The following DPP10 variants were observed in gnomAD, a reference collection of about 807,000 sequenced individuals.
The protein encoded by DPP10 is dipeptidyl peptidase like 10, also known as inactive dipeptidyl peptidase 10.
A neutral mutation model predicts 120.9 loss-of-function variants in DPP10; 33 were observed. The ratio of observed to expected loss-of-function variants is 0.27; its 90% CI spans 0.21 to 0.37. The LOEUF (loss-of-function observed/expected upper bound fraction) is 0.37. Ranked by LOEUF, DPP10 falls within the 10% of genes least tolerant of loss-of-function variation. The pLI, the probability that DPP10 is intolerant of heterozygous loss-of-function variation, is 1.00. For missense variants in DPP10, 816 were observed against 942.8 expected, an observed-to-expected ratio of 0.87 and a Z score of 1.76; for synonymous variants, 337 against 326.1, an observed-to-expected ratio of 1.03 and a Z score of -0.36.
intron 1 of DPP10, among the ~76,000 whole-genome samples, chr2:114,693,098 G>T (rs528857434): frequency 6.6e-6 from 1 of 151,984 alleles, no homozygotes; most frequent in Non-Finnish European, 1.5e-5. Context: ...GTATTGTTAT[G>T]GGTGAATTTG....
chr2:115,328,951 T>A (rs925226935), intron 2 of DPP10, among the ~76,000 whole-genome samples: 1 of 152,126 alleles, frequency 6.6e-6, no homozygotes, highest in African/African-American at 2.4e-5. Context: ...TGAAGCATCA[T>A]TGCCCATCCC....
intron 5 of DPP10, among the ~76,000 whole-genome samples, chr2:115,634,518 G>T (rs1373339385): frequency 6.6e-6 from 1 of 152,070 alleles, no homozygotes; most frequent in Non-Finnish European, 1.5e-5. Flanking sequence ...CTATTTACCT[G>T]GTTCCTTTCC....
intron 1 of DPP10, chr2:114,461,430 T>C: frequency 3.8e-6 from 1 of 261,086 alleles, no homozygotes; most frequent in Non-Finnish European, 6.0e-6. Context: ...GAGAGAACAA[T>C]TTTGTTTTCC....
chr2:115,399,762 A>C (rs2067931535), intron 3 of DPP10, among the ~76,000 whole-genome samples: 1 of 152,192 alleles, frequency 6.6e-6, no homozygotes, highest in Non-Finnish European at 1.5e-5. Flanking sequence ...ATTTTATAAA[A>C]ATTCTGATGG....
intron 1 of DPP10, among the ~76,000 whole-genome samples, chr2:114,608,271 T>A (rs1322806983): frequency 6.6e-6 from 1 of 151,908 alleles, no homozygotes; most frequent in Admixed American, 6.6e-5. Flanking sequence ...TGCCATTCAA[T>A]CTCTGCTCAA....
intron 7 of DPP10, among the ~76,000 whole-genome samples, chr2:115,723,623 T>TG (rs2092699306): frequency 1.6e-4 from 1 of 6,194 alleles, no homozygotes; most frequent in Non-Finnish European, 0.033. Context: ...TTGTTTTTTG[T>TG]TTTTTTTTTT....
chr2:114,711,966 A>G (rs180977225), intron 1 of DPP10, among the ~76,000 whole-genome samples: 5 of 152,002 alleles, frequency 3.3e-5, no homozygotes, highest in African/African-American at 9.6e-5. Flanking sequence ...TCAAATTATA[A>G]TAATTATCAT....
intron 1 of DPP10, among the ~76,000 whole-genome samples, chr2:114,811,439 A>G (rs529772010): frequency 1.3e-5 from 2 of 152,110 alleles, no homozygotes; most frequent in East Asian, 1.9e-4. Flanking sequence ...AGTTGCTTCT[A>G]CCACATTTAC....
chr2:115,281,834 G>GA (rs2060168648), intron 1 of DPP10, among the ~76,000 whole-genome samples: 1 of 152,006 alleles, frequency 6.6e-6, no homozygotes, highest in South Asian at 2.1e-4. Context: ...TGTGCTTTAT[G>GA]ATTTTAAAAG....
At chr2:114,857,838 T>C (rs368286188) in intron 1 of DPP10, among the ~76,000 whole-genome samples, 1 of 152,206 alleles carries the variant, frequency 6.6e-6, no homozygotes, top group African/African-American at 2.4e-5. Context: ...GTCCTTACTT[T>C]AATCAGCATT....
At chr2:115,456,745 G>C (rs1375856214) in intron 3 of DPP10, among the ~76,000 whole-genome samples, 1 of 152,138 alleles carries the variant, frequency 6.6e-6, no homozygotes, top group East Asian at 1.9e-4. Flanking sequence ...TCACTCATAA[G>C]TGGGAGCTAA....
At chr2:114,976,521 T>C (rs1391238116) in intron 1 of DPP10, among the ~76,000 whole-genome samples, 1 of 152,222 alleles carries the variant, frequency 6.6e-6, no homozygotes, top group Non-Finnish European at 1.5e-5. Context: ...GCCTTTTTCC[T>C]CAAATGATAA....
chr2:115,020,088 T>C (rs553736511), intron 1 of DPP10, among the ~76,000 whole-genome samples: 1 of 151,914 alleles, frequency 6.6e-6, no homozygotes, highest in African/African-American at 2.4e-5. Flanking sequence ...TATATAACAA[T>C]AACACAGTAG....
intron 5 of DPP10, among the ~76,000 whole-genome samples, chr2:115,577,812 A>G (rs1276132476): frequency 6.6e-6 from 1 of 151,986 alleles, no homozygotes; most frequent in African/African-American, 2.4e-5. Flanking sequence ...TGAGAACTCC[A>G]GTCACATTAG....
At chr2:114,784,927 TGA>T (rs1203107321) in intron 1 of DPP10, among the ~76,000 whole-genome samples, 1 of 152,236 alleles carries the variant, frequency 6.6e-6, no homozygotes, top group Non-Finnish European at 1.5e-5. Flanking sequence ...CATAAGACAC[TGA>T]GAGGCCTGCA....
intron 1 of DPP10, among the ~76,000 whole-genome samples, chr2:114,623,311 A>G (rs1694241982): frequency 6.6e-6 from 1 of 152,148 alleles, no homozygotes; most frequent in Non-Finnish European, 1.5e-5. Flanking sequence ...TGTGAAATAC[A>G]CTTATAGAAA....
At chr2:115,225,416 C>T (rs148613118) in intron 1 of DPP10, among the ~76,000 whole-genome samples, 207 of 151,898 alleles carry the variant, frequency 1.4e-3, no homozygotes, top group African/African-American at 4.7e-3. Context: ...ACAAAGGGCC[C>T]GATGACTATG....
At chr2:115,201,432 A>C (rs1022118680) in intron 1 of DPP10, among the ~76,000 whole-genome samples, 1 of 152,202 alleles carries the variant, frequency 6.6e-6, no homozygotes, top group Non-Finnish European at 1.5e-5. Context: ...CACTGCCCTC[A>C]AGCCTGGGCT....
At chr2:114,973,505 CA>C (rs1160915515) in intron 1 of DPP10, among the ~76,000 whole-genome samples, 1 of 150,944 alleles carries the variant, frequency 6.6e-6, no homozygotes, top group Non-Finnish European at 1.5e-5. Flanking sequence ...ACTAAAAATA[CA>C]AAAAAATTAG....
Sources: allele counts gnomAD v4.1 joint callset (sites outside exome capture counted in the v4.1 genomes callset), GRCh38; gene constraint gnomAD v4.1.1; transcripts MANE v1.5; gene names NCBI Gene and HGNC (gene_info 2026-07-23, HGNC 2026-07-21).